Variants in LRP1B observed in about 807,000 individuals in gnomAD.
LRP1B encodes low-density lipoprotein receptor-related protein 1B.
LRP1B carries 217 observed loss-of-function variants against 556.6 expected under a neutral mutation model. The ratio of observed to expected loss-of-function variants is 0.39; its 90% CI spans 0.35 to 0.44. The LOEUF is 0.44. LRP1B is among the 20% of genes least tolerant of loss of function. The pLI, the probability that LRP1B is intolerant of heterozygous loss-of-function variation, is 1.00. For missense variants in LRP1B, 5,053 were observed against 5,620.8 expected, an observed-to-expected ratio of 0.90 and a Z score of 3.23; for synonymous variants, 2,047 against 1,865.8, an observed-to-expected ratio of 1.10 and a Z score of -2.50.
chr2:140,572,034 A>G (rs1681342259), intron 43 of LRP1B, among the ~76,000 whole-genome samples: 1 of 151,800 alleles, frequency 6.6e-6, no homozygotes, highest in South Asian at 2.1e-4. Flanking sequence ...AAGCTATAAA[A>G]CTACTAAAAG....
chr2:142,079,176 A>G (rs994172511), intron 1 of LRP1B, among the ~76,000 whole-genome samples: 1 of 152,186 alleles, frequency 6.6e-6, no homozygotes, highest in African/African-American at 2.4e-5. Flanking sequence ...ACTTCAGCAC[A>G]CTATTGATGC....
chr2:141,758,321 T>A (rs1433667676), intron 2 of LRP1B, among the ~76,000 whole-genome samples: 2 of 152,224 alleles, frequency 1.3e-5, no homozygotes, highest in African/African-American at 4.8e-5. Flanking sequence ...GTAATTCTTA[T>A]CATTTCAGTA....
chr2:142,060,431 C>G (rs1346252707), intron 1 of LRP1B, among the ~76,000 whole-genome samples: 2 of 152,052 alleles, frequency 1.3e-5, no homozygotes, highest in African/African-American at 4.8e-5. Flanking sequence ...TCTCCCAGCT[C>G]AGGAGAGTCT....
At chr2:141,637,145 G>A (rs1342819680) in intron 2 of LRP1B, among the ~76,000 whole-genome samples, 2 of 152,082 alleles carry the variant, frequency 1.3e-5, no homozygotes, top group African/African-American at 4.8e-5. Context: ...CATCATCACA[G>A]TATTGGGGCA....
intron 71 of LRP1B, among the ~76,000 whole-genome samples, chr2:140,365,812 A>T (rs1268899385): frequency 6.6e-6 from 1 of 151,672 alleles, no homozygotes; most frequent in African/African-American, 2.4e-5. Context: ...GACTTACTGA[A>T]GGTATTAACA....
At chr2:141,713,641 T>G (rs1558822376) in intron 2 of LRP1B, among the ~76,000 whole-genome samples, 1 of 152,184 alleles carries the variant, frequency 6.6e-6, no homozygotes, top group Non-Finnish European at 1.5e-5. Flanking sequence ...ATTGCCAAAT[T>G]GTTAGAATAA....
chr2:140,414,574 G>A lies in LRP1B; in HGVS notation c.10414+27930C>T, dbSNP rs1207962524. On this transcript the variant is annotated intron_variant, in intron 66 of 90. Coordinates refer to ENST00000389484, the MANE Select transcript of LRP1B (RefSeq NM_018557.3). The stretch of plus-strand genomic sequence containing the variant: ...ACCCCGAATAGAGGGACCAGCTGGA[G>A]CCGCGGCAGAGGAACATAAATTGCA... 7.2e-5 allele frequency among the ~76,000 whole-genome samples: 11 copies of A among 152,128 alleles called. 1 individual carries two copies. The highest frequency in any genetic ancestry group is 2.4e-4 in the African/African-American group (10 of 41,420).
intron 2 of LRP1B, among the ~76,000 whole-genome samples, chr2:141,560,752 C>T (rs1438522264): frequency 6.6e-6 from 1 of 151,334 alleles, no homozygotes; most frequent in African/African-American, 2.4e-5. Flanking sequence ...TTATAGAAAA[C>T]TCCAACTAGT....
At chr2:140,324,515 A>G (rs962448115) in intron 80 of LRP1B, among the ~76,000 whole-genome samples, 10 of 152,112 alleles carry the variant, frequency 6.6e-5, no homozygotes, top group African/African-American at 2.4e-4. Flanking sequence ...TTGATTTTTA[A>G]TGAGTAAATC....
intron 2 of LRP1B, among the ~76,000 whole-genome samples, chr2:141,747,077 G>A (rs899559377): frequency 6.6e-6 from 1 of 152,182 alleles, no homozygotes; most frequent in Admixed American, 6.5e-5. Context: ...GCACAGCTGA[G>A]TCAGGCTAGA....
chr2:141,207,257 T>C (rs142885361), intron 6 of LRP1B, among the ~76,000 whole-genome samples: 2 of 152,204 alleles, frequency 1.3e-5, no homozygotes, highest in Non-Finnish European at 2.9e-5. Flanking sequence ...ATATCGACAT[T>C]AGAAAAATTA....
chr2:141,677,870 G>A (rs1373263898), intron 2 of LRP1B, among the ~76,000 whole-genome samples: 1 of 152,164 alleles, frequency 6.6e-6, no homozygotes, highest in Non-Finnish European at 1.5e-5. Context: ...GGGGAAAGAA[G>A]CAGATAGCTT....
intron 6 of LRP1B, among the ~76,000 whole-genome samples, chr2:141,202,200 A>G (rs1243242748): frequency 6.7e-6 from 1 of 149,864 alleles, no homozygotes; most frequent in Non-Finnish European, 1.5e-5. Context: ...GTGACTGAGA[A>G]CTCCAGCTCC....
intron 31 of LRP1B, among the ~76,000 whole-genome samples, chr2:140,816,036 T>A (rs777024305): frequency 6.6e-6 from 1 of 152,174 alleles, no homozygotes; most frequent in Admixed American, 6.6e-5. Flanking sequence ...AATGGCAGAC[T>A]ATTTAGTTAA....
chr2:141,456,830 G>A (rs1214732621), intron 3 of LRP1B, among the ~76,000 whole-genome samples: 1 of 152,132 alleles, frequency 6.6e-6, no homozygotes, highest in Non-Finnish European at 1.5e-5. Flanking sequence ...CACTGATCCA[G>A]GAAGTCTTGA....
At chr2:140,427,278 C>T (rs1347637504) in intron 66 of LRP1B, among the ~76,000 whole-genome samples, 5 of 152,094 alleles carry the variant, frequency 3.3e-5, no homozygotes, top group African/African-American at 7.2e-5. Flanking sequence ...AAGTCAATTG[C>T]GAGGACGCCT....
At chr2:141,166,945 CAT>C (rs2105128669) in intron 7 of LRP1B, among the ~76,000 whole-genome samples, 1 of 151,970 alleles carries the variant, frequency 6.6e-6, no homozygotes, top group African/African-American at 2.4e-5. Flanking sequence ...TCAATTATAA[CAT>C]AATATATTCA....
intron 21 of LRP1B, among the ~76,000 whole-genome samples, chr2:140,917,532 G>A (rs199630758): frequency 4.6e-5 from 7 of 152,130 alleles, no homozygotes; most frequent in East Asian, 1.9e-4. Flanking sequence ...CTACCAACCC[G>A]TGAAAAGGCA....
chr2:140,679,220 T>G (rs1389083193), intron 41 of LRP1B, among the ~76,000 whole-genome samples: 1 of 152,202 alleles, frequency 6.6e-6, no homozygotes, highest in Non-Finnish European at 1.5e-5. Flanking sequence ...TATGACCTCA[T>G]TTTACCTTAA....
Sources: gnomAD v4.1 joint callset for allele counts (sites outside exome capture counted in the v4.1 genomes callset) on GRCh38, gnomAD v4.1.1 for gene constraint, MANE v1.5 for transcripts, NCBI Gene and HGNC (gene_info 2026-07-23, HGNC 2026-07-21) for gene names.